Variants in PPM1E observed in about 807,000 individuals in gnomAD.
PPM1E encodes protein phosphatase 1E.
In PPM1E, 20 loss-of-function variants were observed where a neutral mutation model predicts 65.9. The ratio of observed to expected loss-of-function variants is 0.30; its 90% CI spans 0.21 to 0.44. The LOEUF is 0.44. Ranked by LOEUF, PPM1E falls within the 20% of genes least tolerant of loss-of-function variation. The pLI is 1.00. For synonymous variants in PPM1E, 352 were observed against 374.9 expected (o/e 0.94, Z 0.70); for missense variants, 713 against 953.1 (o/e 0.75, Z 3.32).
At chr17:58,873,886 C>T (rs1477925682) in intron 1 of PPM1E, among the ~76,000 whole-genome samples, 1 of 151,632 alleles carries the variant, frequency 6.6e-6, no homozygotes, top group African/African-American at 2.4e-5. Context: ...AGTGAACCAC[C>T]GTGCCCGGCC....
intron 1 of PPM1E, among the ~76,000 whole-genome samples, chr17:58,802,271 C>T (rs1285313053): frequency 6.6e-6 from 1 of 152,136 alleles, no homozygotes; most frequent in African/African-American, 2.4e-5. Flanking sequence ...TTTCCTACCA[C>T]CATTTATTAA....
At chr17:58,931,281 G>A (rs12951141) in intron 1 of PPM1E, among the ~76,000 whole-genome samples, 24,375 of 151,846 alleles carry the variant, frequency 0.16, 2,373 homozygotes, top group Non-Finnish European at 0.21. Context: ...AGCTACTTGG[G>A]AGGATGAGGC....
intron 6 of PPM1E, among the ~76,000 whole-genome samples, chr17:58,974,001 T>C (rs2030834627): frequency 6.8e-6 from 1 of 146,504 alleles, no homozygotes; most frequent in Non-Finnish European, 1.5e-5. Context: ...TAGTGGCTTG[T>C]GCCTGTAGTC....
At chr17:58,971,058 T>TA (rs1367176091) in intron 4 of PPM1E, among the ~76,000 whole-genome samples, 1 of 152,112 alleles carries the variant, frequency 6.6e-6, no homozygotes, top group East Asian at 1.9e-4. Context: ...TAGTTCTGAA[T>TA]AATTTAGGTT....
At chr17:58,891,458 G>A (rs2051343322) in intron 1 of PPM1E, among the ~76,000 whole-genome samples, 1 of 151,908 alleles carries the variant, frequency 6.6e-6, no homozygotes, top group African/African-American at 2.4e-5. Context: ...GAGTAGCTGG[G>A]GTTACAGGTG....
intron 1 of PPM1E, among the ~76,000 whole-genome samples, chr17:58,851,269 C>T (rs557248253): frequency 1.3e-5 from 2 of 152,288 alleles, no homozygotes; most frequent in African/African-American, 4.8e-5. Context: ...CGTCTGAAGC[C>T]TTCTCTCAAC....
intron 1 of PPM1E, among the ~76,000 whole-genome samples, chr17:58,823,350 T>A (rs1418493761): frequency 1.3e-5 from 2 of 152,158 alleles, no homozygotes; most frequent in Non-Finnish European, 2.9e-5. Flanking sequence ...AAAGACAGAC[T>A]TACTTGAAAT....
chr17:58,871,260 A>G (rs1193513614), intron 1 of PPM1E, among the ~76,000 whole-genome samples: 1 of 151,918 alleles, frequency 6.6e-6, no homozygotes, highest in Admixed American at 6.6e-5. Context: ...GGTTAGTCCT[A>G]AACTCCTGGG....
intron 1 of PPM1E, among the ~76,000 whole-genome samples, chr17:58,946,500 C>T (rs1244685024): frequency 1.3e-5 from 2 of 152,114 alleles, no homozygotes; most frequent in Admixed American, 6.6e-5. Flanking sequence ...CTCTGTCTCT[C>T]GGGCTGGAAT....
At chr17:58,979,774 T>C (rs2031254049) in intron 6 of PPM1E, among the ~76,000 whole-genome samples, 200 bp from the exon 7 acceptor site, 1 of 152,198 alleles carries the variant, frequency 6.6e-6, no homozygotes, top group African/African-American at 2.4e-5. Flanking sequence ...AGCAATTATT[T>C]AACTGGGAGT....
chr17:58,875,983 A>G (rs2051122914), intron 1 of PPM1E, among the ~76,000 whole-genome samples: 1 of 152,222 alleles, frequency 6.6e-6, no homozygotes, highest in Non-Finnish European at 1.5e-5. Flanking sequence ...CATCTCTTCA[A>G]AGGATAAAAA....
At chr17:58,932,071 T>A (rs1251026682) in intron 1 of PPM1E, among the ~76,000 whole-genome samples, 3 of 152,096 alleles carry the variant, frequency 2.0e-5, no homozygotes, top group African/African-American at 7.2e-5. Context: ...AGGCCAGTAG[T>A]TTGAGACCAG....
intron 1 of PPM1E, among the ~76,000 whole-genome samples, chr17:58,937,891 A>AG (rs1567880941): frequency 6.8e-6 from 1 of 146,296 alleles, no homozygotes; most frequent in East Asian, 2.0e-4. Flanking sequence ...AAAAAAAAAA[A>AG]AAAAGAAAGA....
intron 1 of PPM1E, among the ~76,000 whole-genome samples, chr17:58,873,607 T>TTAC (rs1317313270): frequency 1.4e-5 from 2 of 141,402 alleles, no homozygotes; most frequent in African/African-American, 5.2e-5. Flanking sequence ...ATTATTATTA[T>TTAC]TTTCGAGTCA....
At chr17:58,849,822 A>G (rs575165828) in intron 1 of PPM1E, among the ~76,000 whole-genome samples, 4 of 152,126 alleles carry the variant, frequency 2.6e-5, no homozygotes, top group Non-Finnish European at 4.4e-5. Flanking sequence ...GCTGAGTTCA[A>G]TTCCTGGATA....
intron 1 of PPM1E, among the ~76,000 whole-genome samples, chr17:58,850,231 A>G (rs1403669249): frequency 2.6e-5 from 4 of 151,966 alleles, no homozygotes; most frequent in Non-Finnish European, 4.4e-5. Flanking sequence ...TCTTTATCCA[A>G]TTTGGCAGTC....
chr17:58,937,282 G>C (rs1461210651), intron 1 of PPM1E, among the ~76,000 whole-genome samples: 1 of 38,916 alleles, frequency 2.6e-5, no homozygotes, highest in African/African-American at 9.9e-5. Flanking sequence ...TTTTTTTTTT[G>C]AGATGGAGTC....
At chr17:58,872,534 A>G (rs1022327619) in intron 1 of PPM1E, among the ~76,000 whole-genome samples, 1 of 152,222 alleles carries the variant, frequency 6.6e-6, no homozygotes, top group Non-Finnish European at 1.5e-5. Context: ...ACCTTAAATA[A>G]TGAGATTCAG....
chr17:58,828,470 G>T (rs2050564674), intron 1 of PPM1E, among the ~76,000 whole-genome samples: 1 of 151,814 alleles, frequency 6.6e-6, no homozygotes, highest in African/African-American at 2.4e-5. Context: ...TTGTTTGTTT[G>T]TTTGTTTTTT....
Sources: allele counts gnomAD v4.1 joint callset (sites outside exome capture counted in the v4.1 genomes callset), GRCh38; gene constraint gnomAD v4.1.1; transcripts MANE v1.5; gene names NCBI Gene and HGNC (gene_info 2026-07-23, HGNC 2026-07-21).